Variants in FRAS1 observed in about 807,000 individuals in gnomAD.
FRAS1 encodes extracellular matrix organizing protein FRAS1.
In FRAS1, 290 loss-of-function variants were observed where a neutral mutation model predicts 435.2. That is an observed-to-expected ratio of 0.67 (90% CI 0.61 to 0.73). The LOEUF (loss-of-function observed/expected upper bound fraction) is 0.73, where lower values mean the gene tolerates loss of function less well. FRAS1 is among the 30% of genes least tolerant of loss of function. FRAS1 has a pLI of 0.00. For missense variants in FRAS1, 4,860 were observed against 5,001.5 expected (o/e 0.97, Z 0.85); for synonymous variants, 1,800 against 1,851.0 (o/e 0.97, Z 0.71).
At chr4:78,128,628 G>C (rs1719510682) in intron 2 of FRAS1, among the ~76,000 whole-genome samples, 1 of 151,982 alleles carries the variant, frequency 6.6e-6, no homozygotes, top group African/African-American at 2.4e-5. Context: ...AAATTTGTTT[G>C]AGTTCATTGT....
At chr4:78,201,126 T>G (rs543136769) in intron 2 of FRAS1, among the ~76,000 whole-genome samples, 95 of 152,168 alleles carry the variant, frequency 6.2e-4, no homozygotes, top group African/African-American at 2.0e-3. Context: ...GCTTTTATTA[T>G]TTGCCTTTGT....
At chr4:78,209,642 A>G (rs796671954) in intron 2 of FRAS1, among the ~76,000 whole-genome samples, 1 of 151,874 alleles carries the variant, frequency 6.6e-6, no homozygotes, top group African/African-American at 2.4e-5. Flanking sequence ...TGAGCCATCT[A>G]TTTTCTGCCC....
In FRAS1 at chr4:78,371,628, A is replaced by G. The variant is rs141895243; in HGVS notation, c.2870-1090A>G. On this transcript the variant is annotated intron_variant, in intron 23 of 73. Transcript: ENST00000512123. ...ATAATATAGATAAAAACATGATTGTAGGATAATATAGAGAAAAAGTAGCAA... is the reference window on the plus strand; with the variant it reads ...ATAATATAGATAAAAACATGATTGTGGGATAATATAGAGAAAAAGTAGCAA... 6.3e-3 allele frequency among the ~76,000 whole-genome samples: 960 copies of G among 152,310 alleles called. 6 individuals carry two copies. Among genetic ancestry groups the G allele is most frequent in the Admixed American group, 0.012 (183 of 15,296 alleles).
At chr4:78,065,246 T>C (rs1739974692) in intron 1 of FRAS1, among the ~76,000 whole-genome samples, 1 of 147,976 alleles carries the variant, frequency 6.8e-6, no homozygotes, top group South Asian at 2.1e-4. Flanking sequence ...TGGGTATACA[T>C]GTGTATATAT....
At position 78,266,851 on chromosome 4, in the gene FRAS1, C is replaced by T. The variant is rs369781283; in HGVS notation, c.705C>T (p.Ser235=). 35 of 1,602,804 alleles carry T rather than the reference C, an allele frequency of 2.2e-5. No individual in the cohort carries two copies. Among genetic ancestry groups the T allele is most frequent in the African/African-American group, 8.0e-5 (6 of 74,736 alleles). The change falls in exon 8 of 74, where the codon AGC becomes AGT. Residue 235 remains serine, a synonymous_variant. Coordinates refer to ENST00000512123, the MANE Select transcript of FRAS1 (RefSeq NM_025074.7). ...TCATGCAGCATGGTGAGCAGTGGAG[C>T]GAAAATGCCTGCACCACGTGTATAT... ...GQVYEHGEQW[S]ENACTTCICD... is the part of the protein sequence containing the mutation.
chr4:78,098,407 T>G (rs1442741442), intron 2 of FRAS1, among the ~76,000 whole-genome samples: 1 of 151,892 alleles, frequency 6.6e-6, no homozygotes, highest in Admixed American at 6.6e-5. Context: ...TCCCAGTAGC[T>G]GGGACTACAG....
chr4:78,245,345 C>A lies in FRAS1; in HGVS notation c.309+20C>A. 6.7e-7 allele frequency: 1 copy of A among 1,490,900 alleles called. No individual in the cohort carries two copies. The highest frequency in any genetic ancestry group is 9.3e-7 in the Non-Finnish European group (1 of 1,079,264). The allele number at this position is 1,490,900 out of a possible 1,614,324, so 92.4% of individuals were successfully genotyped here. ...CATGAGGTAAGTGTTTTCTGACTCA[C>A]GGTTGATTCTGTGTCTGCAGATCTC... On this transcript the variant is annotated intron_variant, in intron 4 of 73. Coordinates refer to ENST00000512123, the MANE Select transcript of FRAS1 (RefSeq NM_025074.7).
intron 2 of FRAS1, among the ~76,000 whole-genome samples, chr4:78,112,782 C>A (rs989181680): frequency 6.6e-6 from 1 of 150,900 alleles, no homozygotes; most frequent in Non-Finnish European, 1.5e-5. Context: ...AAGTTAAGGT[C>A]GGGCATTTTA....
chr4:78,416,913 C>G (rs1003560082), intron 32 of FRAS1, among the ~76,000 whole-genome samples: 2 of 152,042 alleles, frequency 1.3e-5, no homozygotes, highest in African/African-American at 4.8e-5. Flanking sequence ...GTGGGCGAAA[C>G]AGTTGGACTC....
At chr4:78,086,603 A>G (rs564965430) in intron 2 of FRAS1, among the ~76,000 whole-genome samples, 1 of 152,224 alleles carries the variant, frequency 6.6e-6, no homozygotes, top group East Asian at 1.9e-4. Context: ...TATCACCACC[A>G]ATCCCACAGA....
chr4:78,356,091 C>T (rs890034448), intron 20 of FRAS1, among the ~76,000 whole-genome samples: 1 of 152,164 alleles, frequency 6.6e-6, no homozygotes, highest in Non-Finnish European at 1.5e-5. Flanking sequence ...ACATGTGGGG[C>T]TCATACCACC....
At chr4:78,470,906 T>C (rs1051474808) in intron 51 of FRAS1, among the ~76,000 whole-genome samples, 1 of 152,124 alleles carries the variant, frequency 6.6e-6, no homozygotes, top group African/African-American at 2.4e-5. Flanking sequence ...CACTCATATT[T>C]ATTGGCAATA....
At chr4:78,253,839 C>T (rs1243032098) in intron 5 of FRAS1, among the ~76,000 whole-genome samples, 2 of 151,828 alleles carry the variant, frequency 1.3e-5, no homozygotes, top group Non-Finnish European at 2.9e-5. Flanking sequence ...TAAGGTGGTT[C>T]CTTTTGCCTC....
At chr4:78,473,304 A>G (rs1005066567) in intron 52 of FRAS1, 134 bp from the exon 53 acceptor site, 21 of 635,902 alleles carry the variant, frequency 3.3e-5, no homozygotes, top group East Asian at 8.1e-5. Flanking sequence ...AACAACTACT[A>G]TACTTTTGGT....
intron 50 of FRAS1, among the ~76,000 whole-genome samples, chr4:78,469,315 A>G (rs1244540950): frequency 6.6e-6 from 1 of 152,140 alleles, no homozygotes; most frequent in East Asian, 1.9e-4. Context: ...GCTAGATCCA[A>G]TTTATGATGT....
In FRAS1 at chr4:78,357,698, T is replaced by C. The variant is rs151300348; in HGVS notation, c.2423-5815T>C. On this transcript the variant is annotated intron_variant, in intron 20 of 73. Transcript: ENST00000512123. ...GGGAAGATTGCTTGAGGCCAGGAGT[T>C]TGACACCAGCCTGGGCAATATAGTG... Among the ~76,000 whole-genome samples the C allele has an allele frequency of 2.0e-5, 3 of 152,192 alleles. No homozygotes were observed. In the East Asian group the frequency reaches 5.8e-4, roughly 29 times the overall value.
chr4:78,454,672 T>C (rs1018941162), intron 47 of FRAS1, among the ~76,000 whole-genome samples: 5 of 152,340 alleles, frequency 3.3e-5, no homozygotes, highest in African/African-American at 1.2e-4. Context: ...AGGCAACTCA[T>C]CCACACCGTG....
At chr4:78,519,092 A>T (rs1721304354) in intron 66 of FRAS1, among the ~76,000 whole-genome samples, 1 of 152,026 alleles carries the variant, frequency 6.6e-6, no homozygotes, top group Non-Finnish European at 1.5e-5. Context: ...TTCAAGTGCC[A>T]CCTCCTTAGA....
At chr4:78,203,438 T>C (rs567909803) in intron 2 of FRAS1, among the ~76,000 whole-genome samples, 1 of 152,338 alleles carries the variant, frequency 6.6e-6, no homozygotes, top group East Asian at 1.9e-4. Flanking sequence ...TGTGGCCATT[T>C]TTGGTCATAT....
Sources: gnomAD v4.1 joint callset for allele counts (sites outside exome capture counted in the v4.1 genomes callset) on GRCh38, gnomAD v4.1.1 for gene constraint, MANE v1.5 for transcripts, NCBI Gene and HGNC (gene_info 2026-07-23, HGNC 2026-07-21) for gene names.